Variants in FREM3 observed in about 807,000 individuals in gnomAD.
FREM3 encodes the protein FRAS1 related extracellular matrix 3, also known as FRAS1-related extracellular matrix protein 3.
Under a neutral mutation model 129.1 loss-of-function variants are expected in FREM3, and 105 were observed. That is an observed-to-expected ratio of 0.81 (90% CI 0.69 to 0.96). FREM3 has a LOEUF of 0.96. Among genes scored for constraint, FREM3 ranks in the 40% least tolerant of loss-of-function variants. The pLI is 0.00. For synonymous variants in FREM3, 1,014 were observed against 1,044.9 expected (o/e 0.97, Z 0.57); for missense variants, 2,593 against 2,666.3 (o/e 0.97, Z 0.61).
intron 2 of FREM3, among the ~76,000 whole-genome samples, chr4:143,669,617 G>T: frequency 6.8e-6 from 1 of 148,086 alleles, no homozygotes. Context: ...GAAGTTTTAT[G>T]TAACACTAAT....
chr4:143,661,806 G>T (rs1195385549), intron 2 of FREM3, among the ~76,000 whole-genome samples: 2 of 152,118 alleles, frequency 1.3e-5, no homozygotes, highest in African/African-American at 4.8e-5. Context: ...CTTCATCCTG[G>T]TTTAGTCTTG....
At chr4:143,599,789 C>T (rs1416384365) in intron 6 of FREM3, among the ~76,000 whole-genome samples, 1 of 152,208 alleles carries the variant, frequency 6.6e-6, no homozygotes, top group African/African-American at 2.4e-5. Context: ...GGGGTACATA[C>T]ATTCTAGCCT....
intron 4 of FREM3, 97 bp from the exon 5 acceptor site, chr4:143,621,259 A>C: frequency 9.0e-7 from 1 of 1,105,864 alleles, no homozygotes; most frequent in Non-Finnish European, 1.3e-6. Context: ...TTTGACTCTT[A>C]TATTTTCCAA....
intron 2 of FREM3, among the ~76,000 whole-genome samples, chr4:143,647,329 GAA>G (rs1739436534): frequency 6.6e-6 from 1 of 152,174 alleles, no homozygotes; most frequent in Admixed American, 6.5e-5. Flanking sequence ...TGATAGAAAA[GAA>G]AAATCTGTTT....
chr4:143,641,274 T>G (rs1739317297), intron 2 of FREM3, among the ~76,000 whole-genome samples: 1 of 151,946 alleles, frequency 6.6e-6, no homozygotes, highest in Non-Finnish European at 1.5e-5. Context: ...TTCATAGATA[T>G]GAGGAAAAGG....
chr4:143,647,954 GCTGTAGA>G (rs1183450551), intron 2 of FREM3, among the ~76,000 whole-genome samples: 1 of 152,212 alleles, frequency 6.6e-6, no homozygotes, highest in African/African-American at 2.4e-5. Flanking sequence ...GCCTGGAAAA[GCTGTAGA>G]CACTCAATGC....
Position 143,697,234 on chromosome 4 carries a change from G to T in FREM3, c.3442C>A (p.His1148Asn). Reference sequence around the variant, plus strand: ...TGAATACTCTGTACATAATTGATATGCCTCACTTGGATATCTCTGAGGGAG... The same window carrying T: ...TGAATACTCTGTACATAATTGATATTCCTCACTTGGATATCTCTGAGGGAG... ...AFSLRDIQVR[H>N]INYVQSIHKG... The change falls in exon 1 of 8, where the codon CAT becomes AAT. Residue 1148 changes from histidine (H) to asparagine (N), a missense_variant. Around this residue, in one of 2 missense-constraint regions of FREM3, gnomAD observed 2,276 missense variants for 2,267.2 expected, o/e 1.00. Coordinates refer to ENST00000329798, the MANE Select transcript of FREM3 (RefSeq NM_001168235.2). 5 of 1,537,536 alleles carry T rather than the reference G, an allele frequency of 3.3e-6. No homozygotes were observed. The highest frequency in any genetic ancestry group is 1.4e-5 in the African/African-American group (1 of 73,162).
intron 3 of FREM3, 128 bp downstream of exon 3, chr4:143,627,486 A>G: frequency 1.2e-6 from 1 of 816,774 alleles, no homozygotes; most frequent in South Asian, 1.8e-5. Flanking sequence ...ATTTTCACAG[A>G]CACTTTTTTA....
At chr4:143,636,512 A>T (rs563457600) in intron 2 of FREM3, among the ~76,000 whole-genome samples, 1 of 152,080 alleles carries the variant, frequency 6.6e-6, no homozygotes, top group Non-Finnish European at 1.5e-5. Flanking sequence ...TAAAGTAATA[A>T]TAGAGAAAAA....
intron 6 of FREM3, among the ~76,000 whole-genome samples, chr4:143,594,483 T>C (rs182044553): frequency 2.0e-5 from 3 of 152,314 alleles, no homozygotes; most frequent in African/African-American, 7.2e-5. Context: ...ATTGACAAAG[T>C]CTCAAGAATT....
At chr4:143,583,658 T>C (rs1424246095) in intron 7 of FREM3, among the ~76,000 whole-genome samples, 2 of 150,942 alleles carry the variant, frequency 1.3e-5, no homozygotes, top group Non-Finnish European at 3.0e-5. Flanking sequence ...TATTAAGCAT[T>C]ATTAAAAAAA....
Position 143,661,152 on chromosome 4 carries a change from G to C in FREM3, c.5275+31961C>G, listed in dbSNP as rs562593773. Among the ~76,000 whole-genome samples the C allele has an allele frequency of 3.4e-3, 512 of 152,270 alleles. 5 individuals carry two copies. Among genetic ancestry groups the C allele is most frequent in the African/African-American group, 0.012 (498 of 41,544 alleles). On this transcript the variant is annotated intron_variant, in intron 2 of 7. Coordinates refer to ENST00000329798, the MANE Select transcript of FREM3 (RefSeq NM_001168235.2). ...AGGAGTGGTGAGAGAGGGCATCCCT[G>C]TCTTGTGCCAGTTTTCAAAGGGAAT...
chr4:143,629,102 C>T (rs915372494), intron 2 of FREM3, among the ~76,000 whole-genome samples: 7 of 152,094 alleles, frequency 4.6e-5, no homozygotes, highest in Non-Finnish European at 1.0e-4. Flanking sequence ...CTTCAAGGAA[C>T]CCATGAAAAC....
At chr4:143,602,193 A>C (rs961380074) in intron 6 of FREM3, among the ~76,000 whole-genome samples, 1 of 152,194 alleles carries the variant, frequency 6.6e-6, no homozygotes, top group African/African-American at 2.4e-5. Context: ...TCAAATAGTC[A>C]ATTTTGAAGG....
chr4:143,684,603 A>G (rs761384075), intron 2 of FREM3, among the ~76,000 whole-genome samples: 7 of 152,212 alleles, frequency 4.6e-5, no homozygotes, highest in Non-Finnish European at 7.3e-5. Flanking sequence ...AAGCTCTTCA[A>G]CACCCCCCAA....
intron 2 of FREM3, among the ~76,000 whole-genome samples, chr4:143,648,915 C>T (rs1578850289): frequency 6.6e-6 from 1 of 152,064 alleles, no homozygotes; most frequent in East Asian, 1.9e-4. Context: ...GTGTGCACCA[C>T]CACACCCAGC....
chr4:143,695,251 G>A (rs1740543547), intron 1 of FREM3, among the ~76,000 whole-genome samples: 1 of 152,118 alleles, frequency 6.6e-6, no homozygotes, highest in African/African-American at 2.4e-5. Context: ...GCAGTTTTAA[G>A]GTATAACTAC....
intron 6 of FREM3, among the ~76,000 whole-genome samples, chr4:143,592,920 TG>T (rs1244600641): frequency 1.3e-5 from 2 of 152,226 alleles, no homozygotes; most frequent in African/African-American, 4.8e-5. Flanking sequence ...CCATATTTCT[TG>T]GAGGCTTTGC....
chr4:143,700,546 G>A lies in FREM3; in HGVS notation c.130C>T (p.Leu44Phe). 4 of 1,519,060 alleles carry A rather than the reference G, an allele frequency of 2.6e-6. No homozygotes were observed. The highest frequency in any genetic ancestry group is 3.5e-6 in the Non-Finnish European group (4 of 1,136,706). 94.1% of individuals were successfully genotyped at this position (1,519,060 alleles called of 1,614,324 possible). A position where few individuals can be genotyped will look rare whatever the true frequency, so the allele number is the denominator to read the frequency against. Reference sequence around the variant, plus strand: ...AGCGCACCCCGGGCGGGCAGGTAAAGCGCCGGGTCGGGCTCGGTCCCAAGT... The same window carrying A: ...AGCGCACCCCGGGCGGGCAGGTAAAACGCCGGGTCGGGCTCGGTCCCAAGT... ...SSLGTEPDPA[L>F]YLPARGALDG... is the part of the protein sequence containing the mutation. Residue 44 changes from leucine (L) to phenylalanine (F), a missense_variant, in exon 1 of 8, where the codon CTT (leucine) becomes TTT (phenylalanine). Coordinates refer to ENST00000329798, the MANE Select transcript of FREM3 (RefSeq NM_001168235.2).
Sources: gnomAD v4.1 joint callset for allele counts (sites outside exome capture counted in the v4.1 genomes callset) on GRCh38, gnomAD v4.1.1 for gene constraint, gnomAD v4.1.1 regional missense constraint, MANE v1.5 for transcripts, NCBI Gene and HGNC (gene_info 2026-07-23, HGNC 2026-07-21) for gene names.